RBM45: variants seen among roughly 807,000 people sequenced by gnomAD.
RBM45 encodes RNA binding motif protein 45.
A neutral mutation model predicts 58.5 loss-of-function variants in RBM45; 39 were observed. The ratio of observed to expected loss-of-function variants is 0.67; its 90% CI spans 0.52 to 0.87. The LOEUF (loss-of-function observed/expected upper bound fraction) is 0.87. Ranked by LOEUF, RBM45 falls within the 40% of genes least tolerant of loss-of-function variation. The pLI is 0.00. For missense variants in RBM45, 481 were observed against 581.6 expected, an observed-to-expected ratio of 0.83 and a Z score of 1.78; for synonymous variants, 193 against 203.0, an observed-to-expected ratio of 0.95 and a Z score of 0.42.
At chr2:178,122,548 G>A (rs2087868687) in intron 5 of RBM45, among the ~76,000 whole-genome samples, 1 of 151,992 alleles carries the variant, frequency 6.6e-6, no homozygotes. Flanking sequence ...ACACATTTTT[G>A]TGTTCTCTGG....
intron 3 of RBM45, 144 bp downstream of exon 3, chr2:178,118,325 G>T: frequency 1.3e-6 from 1 of 796,614 alleles, no homozygotes; most frequent in Non-Finnish European, 1.8e-6. Flanking sequence ...ACAGTCCAAG[G>T]AAGAAAAATA....
downstream of RBM45, among the ~76,000 whole-genome samples, chr2:178,134,124 T>C (rs2088026877): frequency 6.6e-6 from 1 of 152,220 alleles, no homozygotes; most frequent in Non-Finnish European, 1.5e-5. Context: ...CATATATGAA[T>C]TGAAGACAGT....
chr2:178,126,169 C>T lies in RBM45; in HGVS notation c.1418C>T (p.Thr473Ile), dbSNP rs2087926980. ...GAAGAATCTAACAAACGGCAAAGAA[C>T]TTACTGATTCTTGAGGTAAGCCCTT... ...PREESNKRQR[T>I]Y is the part of the protein sequence containing the mutation. Residue 473 changes from threonine (T) to isoleucine (I), a missense_variant, in exon 9 of 10, where the codon ACT (threonine) becomes ATT (isoleucine). By Grantham distance (89) the Thr-to-Ile change is moderately conservative. Coordinates refer to ENST00000286070, the MANE Select transcript of RBM45 (RefSeq NM_152945.4). The T allele has an allele frequency of 1.4e-5, 22 of 1,612,814 alleles. No individual in the cohort carries two copies. The highest frequency in any genetic ancestry group is 1.8e-5 in the Non-Finnish European group (21 of 1,179,068).
At chr2:178,136,127 G>A (rs1034897090) in intron 3 of RBM45, among the ~76,000 whole-genome samples, 2 of 152,078 alleles carry the variant, frequency 1.3e-5, no homozygotes, top group African/African-American at 2.4e-5. Flanking sequence ...TGGTTAACAT[G>A]GTGAAACCCC....
chr2:178,125,572 A>G (rs1054668403), intron 8 of RBM45, among the ~76,000 whole-genome samples: 1 of 152,190 alleles, frequency 6.6e-6, no homozygotes, highest in African/African-American at 2.4e-5. Flanking sequence ...AGATGAAACT[A>G]AAGAGTCCAA....
At chr2:178,137,498 TG>T (rs1230374308) in exon 4 of RBM45, 1 of 152,222 alleles carries the variant, frequency 6.6e-6, no homozygotes, top group Admixed American at 6.5e-5. Flanking sequence ...AGAATGCATA[TG>T]ACACTCTATA....
chr2:178,134,626 G>C (rs910872246), downstream of RBM45, among the ~76,000 whole-genome samples: 4 of 151,778 alleles, frequency 2.6e-5, no homozygotes, highest in Admixed American at 1.3e-4. Context: ...CTACTTTAAA[G>C]TTATATACTA....
At position 178,118,489 on chromosome 2, in the gene RBM45, C is replaced by T. The variant is rs2087806878; in HGVS notation, c.550+308C>T. 2.6e-5 allele frequency among the ~76,000 whole-genome samples: 4 copies of T among 151,922 alleles called. No individual in the cohort carries two copies. In the South Asian group the frequency reaches 8.3e-4, roughly 31 times the overall value. On this transcript the variant is annotated intron_variant, in intron 3 of 9. Coordinates refer to ENST00000286070, the MANE Select transcript of RBM45 (RefSeq NM_152945.4). ...ATTTTAGAATTTTAAGTATTAAAAA[C>T]TTGACTTACCTTTTCAAGGTTTTTA...
chr2:178,119,961 A>G (rs2087827182), intron 3 of RBM45, among the ~76,000 whole-genome samples: 1 of 152,220 alleles, frequency 6.6e-6, no homozygotes, highest in Admixed American at 6.5e-5. Flanking sequence ...GGTTAAATAT[A>G]AAGAAGCCCT....
At position 178,116,274 on chromosome 2, in the gene RBM45, C is replaced by T. The variant is rs959742285; in HGVS notation, c.313C>T (p.Gln105Ter). ...DTKPIKVFIA[Q>*]SRSSGSHRDV... ...GTTTGTTTCTTAGGTTTTCATTGCT[C>T]AGTCCCGATCATCTGGAAGTCACCG... Residue 105 changes from glutamine (Q) to a stop codon, truncating the protein, a stop_gained, in exon 2 of 10, where the codon CAG (glutamine) becomes TAG (stop). Coordinates refer to ENST00000286070, the MANE Select transcript of RBM45 (RefSeq NM_152945.4). LOFTEE classifies it high-confidence loss of function. 6.3e-7 allele frequency: 1 copy of T among 1,591,596 alleles called. No homozygotes were observed. The highest frequency in any genetic ancestry group is 8.5e-7 in the Non-Finnish European group (1 of 1,171,932).
At chr2:178,131,583 T>C (rs937116422), downstream of RBM45, among the ~76,000 whole-genome samples, 5 of 152,194 alleles carry the variant, frequency 3.3e-5, no homozygotes, top group African/African-American at 7.2e-5. Context: ...CAGCAAACAG[T>C]TGTGGTAAGA....
chr2:178,138,365 C>G (rs920409725), exon 4 of RBM45: 1 of 152,110 alleles, frequency 6.6e-6, no homozygotes, highest in East Asian at 1.9e-4. Flanking sequence ...ATCAAAAAGG[C>G]TGATTACAGA....
chr2:178,136,513 A>T (rs1013979133), exon 4 of RBM45: 1 of 152,190 alleles, frequency 6.6e-6, no homozygotes, highest in Non-Finnish European at 1.5e-5. Flanking sequence ...AGAGAACCAC[A>T]TGCGGCATTC....
Position 178,116,308 on chromosome 2 carries a change from A to C in RBM45, c.347A>C (p.Glu116Ala). 1 of 1,612,962 alleles carries C rather than the reference A, an allele frequency of 6.2e-7. No individual in the cohort carries two copies. The part of the protein sequence containing the change: ...SRSSGSHRDV[E>A]DEELTRIFVM... ...TCATCTGGAAGTCACCGAGATGTTG[A>C]AGATGAAGAACTTACAAGAATCTTT... Residue 116 changes from glutamate (E) to alanine (A), a missense_variant, in exon 2 of 10, where the codon GAA becomes GCA. Transcript: ENST00000286070.
intron 9 of RBM45, among the ~76,000 whole-genome samples, 174 bp from the exon 10 acceptor site, chr2:178,129,223 T>C (rs1044037880): frequency 3.9e-5 from 6 of 152,240 alleles, no homozygotes; most frequent in Admixed American, 6.5e-5. Flanking sequence ...ATTCAGCACC[T>C]GCATCGCCCT....
In RBM45 at chr2:178,121,167, T is replaced by TA; in HGVS notation, c.674-12dup. ...AGAAATCTAAAGATTTACTTTTTTT[T>TA]ATATTGTCGGAGAACAACAATCTGA... is the stretch of plus-strand genomic sequence containing the variant. On this transcript the variant is annotated splice_polypyrimidine_tract_variant and intron_variant, in intron 4 of 9. Transcript: ENST00000286070. The TA allele has an allele frequency of 7.2e-7, 1 of 1,386,066 alleles. No homozygotes were observed. The highest frequency in any genetic ancestry group is 2.3e-5 in the East Asian group (1 of 42,926). The allele number at this position is 1,386,066 out of a possible 1,614,324, so 85.9% of individuals were successfully genotyped here.
chr2:178,116,295 C>T lies in RBM45; in HGVS notation c.334C>T (p.His112Tyr). The change falls in exon 2 of 10, where the codon CAC (histidine) becomes TAC (tyrosine). Residue 112 changes from histidine (H) to tyrosine (Y), a missense_variant. Transcript: ENST00000286070. Reference protein sequence around the residue: ...FIAQSRSSGSHRDVEDEELTR... With the variant: ...FIAQSRSSGSYRDVEDEELTR... ...TGCTCAGTCCCGATCATCTGGAAGTCACCGAGATGTTGAAGATGAAGAACT... is the reference window on the plus strand; with the variant it reads ...TGCTCAGTCCCGATCATCTGGAAGTTACCGAGATGTTGAAGATGAAGAACT... The T allele has an allele frequency of 6.2e-7, 1 of 1,612,242 alleles. No individual in the cohort carries two copies. The highest frequency in any genetic ancestry group is 8.5e-7 in the Non-Finnish European group (1 of 1,179,362).
chr2:178,120,653 G>A (rs2087837595), intron 4 of RBM45, among the ~76,000 whole-genome samples: 1 of 152,048 alleles, frequency 6.6e-6, no homozygotes, highest in African/African-American at 2.4e-5. Context: ...CCTCATATTA[G>A]AAACTATTAC....
chr2:178,120,460 A>G, intron 4 of RBM45, 51 bp downstream of exon 4: 2 of 1,510,808 alleles, frequency 1.3e-6, no homozygotes, highest in Middle Eastern at 4.5e-4. Context: ...TATGCAATCT[A>G]ATTTGGGTTT....
Sources: allele counts gnomAD v4.1 joint callset (sites outside exome capture counted in the v4.1 genomes callset), GRCh38; gene constraint gnomAD v4.1.1; transcripts MANE v1.5; gene names NCBI Gene and HGNC (gene_info 2026-07-23, HGNC 2026-07-21).